ZBTB41: variants seen among roughly 807,000 people sequenced by gnomAD.
The protein encoded by ZBTB41 is zinc finger and BTB domain-containing protein 41.
In ZBTB41, 42 loss-of-function variants were observed where a neutral mutation model predicts 87.6. The observed-to-expected ratio is 0.48, with a 90% CI of 0.37 to 0.62. The LOEUF is 0.62. ZBTB41 is among the 20% of genes least tolerant of loss of function. ZBTB41 has a pLI of 0.00. For synonymous variants in ZBTB41, 364 were observed against 364.0 expected (o/e 1.00, Z 0.00); for missense variants, 799 against 1,078.9 (o/e 0.74, Z 3.63).
intron 6 of ZBTB41, among the ~76,000 whole-genome samples, chr1:197,178,963 G>A (rs1167657835): frequency 6.6e-6 from 1 of 152,000 alleles, no homozygotes; most frequent in Non-Finnish European, 1.5e-5. Context: ...TAACTTCCAG[G>A]TGCTGATGTG....
chr1:197,173,688 G>A (rs2125128569), intron 9 of ZBTB41, among the ~76,000 whole-genome samples: 1 of 152,204 alleles, frequency 6.6e-6, no homozygotes, highest in African/African-American at 2.4e-5. Context: ...TTGAGGTTGT[G>A]AATAATAACC....
At chr1:197,174,954 C>A in intron 9 of ZBTB41, 56 bp downstream of exon 9, 1 of 1,430,604 alleles carries the variant, frequency 7.0e-7, no homozygotes, top group Non-Finnish European at 9.6e-7. Context: ...AAAGTTACAA[C>A]TTTCCTCAGA....
Position 197,176,659 on chromosome 1 carries a change from C to A in ZBTB41, c.1784G>T (p.Arg595Leu). The A allele has an allele frequency of 6.2e-7, 1 of 1,609,218 alleles. No homozygotes were observed. Among genetic ancestry groups the A allele is most frequent in the Non-Finnish European group, 8.5e-7 (1 of 1,177,124 alleles). ...ATATCTTTTATCATCATGATGTACT[C>A]GTAAGTGAAGTCTATAAAGAAAAAA... is the stretch of plus-strand genomic sequence containing the variant. ...RHGSSYRLHL[R>L]VHHDDKRYEC... The change falls in exon 8 of 11, where the codon CGA becomes CTA. Residue 595 changes from arginine (R) to leucine (L), a missense_variant. Arg to Leu is a moderately radical substitution (Grantham distance 102). Coordinates refer to ENST00000367405, the MANE Select transcript of ZBTB41 (RefSeq NM_194314.3).
chr1:197,174,973 C>T, intron 9 of ZBTB41, 37 bp downstream of exon 9: 2 of 1,529,022 alleles, frequency 1.3e-6, no homozygotes, highest in Non-Finnish European at 1.8e-6. Flanking sequence ...GAGACTTAGC[C>T]AATGTAAACT....
In ZBTB41 at chr1:197,154,776, A is replaced by C. The variant is rs919398532; in HGVS notation, c.*4583T>G. 1 of 152,496 alleles carries C rather than the reference A, an allele frequency of 6.6e-6. No homozygotes were observed. Among genetic ancestry groups the C allele is most frequent in the Non-Finnish European group, 1.5e-5 (1 of 67,900 alleles). 9.4% of individuals were successfully genotyped at this position (152,496 alleles called of 1,614,324 possible). On this transcript the variant is annotated 3_prime_UTR_variant, in exon 11 of 11. Coordinates refer to ENST00000367405, the MANE Select transcript of ZBTB41 (RefSeq NM_194314.3). ...TGTCTAGTTTCTAGAAGTCGTTTAG[A>C]AAATTATTCTCACATTATCCATTAT...
In ZBTB41 at chr1:197,181,126, G is replaced by GA. The variant is rs747785997; in HGVS notation, c.1547-10dup. 24,616 of 1,106,816 alleles carry GA rather than the reference G, an allele frequency of 0.022. 14 individuals carry two copies. The highest frequency in any genetic ancestry group is 0.031 in the South Asian group (1,799 of 58,312). 68.6% of individuals were successfully genotyped at this position (1,106,816 alleles called of 1,614,324 possible). On this transcript the variant is annotated splice_polypyrimidine_tract_variant and intron_variant, in intron 5 of 10. Transcript: ENST00000367405. ...ATCACATGGAAAAGGACCTAAAAAG[G>GA]AAAAAAAAAAAGTGTGCATTTAAAG...
chr1:197,154,605 T>C lies in ZBTB41; in HGVS notation c.*4754A>G, dbSNP rs531465960. 4.6e-5 allele frequency: 7 copies of C among 152,126 alleles called. No individual in the cohort carries two copies. In the South Asian group the frequency reaches 1.2e-3, roughly 27 times the overall value. The allele number at this position is 152,126 out of a possible 1,614,324, so 9.4% of individuals were successfully genotyped here. On this transcript the variant is annotated 3_prime_UTR_variant, in exon 11 of 11. Coordinates refer to ENST00000367405, the MANE Select transcript of ZBTB41 (RefSeq NM_194314.3). ...TTCCAAAGAGAAAGAGCAGAAAGCA[T>C]GCTAAGATTATAGGGAAAAGGTATC...
chr1:197,188,033 T>C (rs1401789030), intron 5 of ZBTB41, among the ~76,000 whole-genome samples: 1 of 152,188 alleles, frequency 6.6e-6, no homozygotes, highest in African/African-American at 2.4e-5. Context: ...GATTATGATG[T>C]ACCAACGTAG....
intron 6 of ZBTB41, among the ~76,000 whole-genome samples, chr1:197,179,648 G>A (rs112837031): frequency 7.2e-5 from 11 of 152,164 alleles, no homozygotes; most frequent in African/African-American, 2.6e-4. Context: ...AGACCTTCCA[G>A]TGGGACAAGA....
intron 2 of ZBTB41, among the ~76,000 whole-genome samples, chr1:197,193,348 C>T (rs947604446): frequency 6.6e-6 from 1 of 151,348 alleles, no homozygotes; most frequent in Non-Finnish European, 1.5e-5. Context: ...ACCAGCCTGG[C>T]CAGCATGGCA....
At chr1:197,167,226 C>A (rs1224272832) in intron 10 of ZBTB41, among the ~76,000 whole-genome samples, 2 of 152,130 alleles carry the variant, frequency 1.3e-5, no homozygotes, top group Non-Finnish European at 2.9e-5. Context: ...GACAAGTTCT[C>A]ACTCCATCAC....
rs753899434 is a variant in ZBTB41 at position 197,159,540 on chromosome 1, C to T, written c.2549G>A (p.Arg850Gln). ...SPQPQSTDYPRAADLAFLEKY... is the reference protein window; with the variant it reads ...SPQPQSTDYPQAADLAFLEKY... ...TTCCAGAAAAGCTAAATCCGCTGCT[C>T]GTGGATAATCAGTTGACTGTGGCTG... The change falls in exon 11 of 11, where the codon CGA (arginine) becomes CAA (glutamine). Residue 850 changes from arginine to glutamine, a missense_variant. By Grantham distance (43) the Arg-to-Gln change is conservative. Coordinates refer to ENST00000367405, the MANE Select transcript of ZBTB41 (RefSeq NM_194314.3). The T allele has an allele frequency of 9.9e-6, 16 of 1,613,720 alleles. No homozygotes were observed. Among genetic ancestry groups the T allele is most frequent in the Non-Finnish European group, 1.4e-5 (16 of 1,179,862 alleles).
intron 5 of ZBTB41, among the ~76,000 whole-genome samples, chr1:197,185,950 T>A (rs1659871138): frequency 6.6e-6 from 1 of 152,118 alleles, no homozygotes; most frequent in South Asian, 2.1e-4. Flanking sequence ...GAAAGTCATT[T>A]TGTGGATATC....
intron 10 of ZBTB41, among the ~76,000 whole-genome samples, chr1:197,163,133 G>C (rs1372200319): frequency 9.2e-5 from 14 of 152,128 alleles, no homozygotes; most frequent in Admixed American, 9.2e-4. Flanking sequence ...CCAATGCAAT[G>C]ATGAACTAGG....
chr1:197,163,756 A>C lies in ZBTB41; in HGVS notation c.2075-3742T>G, dbSNP rs1659252703. On this transcript the variant is annotated intron_variant, in intron 10 of 10. Coordinates refer to ENST00000367405, the MANE Select transcript of ZBTB41 (RefSeq NM_194314.3). ...CCAATTAAAAAGAGACATTTCCTTC[A>C]AATGAGCAACAATAAGACTGATAGT... is the stretch of plus-strand genomic sequence containing the variant. 1.3e-5 allele frequency among the ~76,000 whole-genome samples: 2 copies of C among 152,014 alleles called. 1 individual carries two copies. The highest frequency in any genetic ancestry group is 4.1e-4 in the South Asian group (2 of 4,824).
Position 197,159,681 on chromosome 1 carries a change from G to C in ZBTB41, c.2408C>G (p.Ser803Cys), listed in dbSNP as rs1659153430. 3 of 1,613,974 alleles carry C rather than the reference G, an allele frequency of 1.9e-6. No homozygotes were observed. The highest frequency in any genetic ancestry group is 2.5e-6 in the Non-Finnish European group (3 of 1,179,900). Residue 803 changes from serine (S) to cysteine (C), a missense_variant, in exon 11 of 11, where the codon TCT (serine) becomes TGT (cysteine). Coordinates refer to ENST00000367405, the MANE Select transcript of ZBTB41 (RefSeq NM_194314.3). ...SEAKTMLQNV[S>C]AEVCVPVTLV... ...AGTTACTGGAACACATACTTCAGCA[G>C]ATACATTCTGTAACATCGTCTTGGC...
chr1:197,177,637 A>G lies in ZBTB41; in HGVS notation c.1772+780T>C, dbSNP rs1295599661. 2.6e-5 allele frequency among the ~76,000 whole-genome samples: 4 copies of G among 152,062 alleles called. 1 individual carries two copies. Among genetic ancestry groups the G allele is most frequent in the Admixed American group, 1.3e-4 (2 of 15,258 alleles). On this transcript the variant is annotated intron_variant, in intron 7 of 10. Coordinates refer to ENST00000367405, the MANE Select transcript of ZBTB41 (RefSeq NM_194314.3). ...ACAAAATGGGGCTCATTTTATAGTCACCCAAAGACAGTATAAAAGGCTCAG... is the reference window on the plus strand; with the variant it reads ...ACAAAATGGGGCTCATTTTATAGTCGCCCAAAGACAGTATAAAAGGCTCAG...
intron 6 of ZBTB41, 102 bp from the exon 7 acceptor site, chr1:197,178,614 T>C (rs983620047): frequency 7.4e-5 from 50 of 675,740 alleles, no homozygotes; most frequent in Non-Finnish European, 9.5e-5. Context: ...ACTGATATTA[T>C]GGCAATTCTC....
rs900343649 is a variant in ZBTB41, at chr1:197,157,896, T to C, written c.*1463A>G. The C allele has an allele frequency of 4.1e-5, 4 of 98,112 alleles. No homozygotes were observed. Among genetic ancestry groups the C allele is most frequent in the South Asian group, 8.7e-4 (2 of 2,290 alleles). 6.1% of individuals were successfully genotyped at this position (98,112 alleles called of 1,614,324 possible). A position where few individuals can be genotyped will look rare whatever the true frequency, so the allele number is the denominator to read the frequency against. On this transcript the variant is annotated 3_prime_UTR_variant, in exon 11 of 11. Coordinates refer to ENST00000367405, the MANE Select transcript of ZBTB41 (RefSeq NM_194314.3). ...TTTTCACAAGGGCTGGGCTAGACTT[T>C]ACAGTTTACACACACAAAAAAAGTG...
Sources: allele counts gnomAD v4.1 joint callset (sites outside exome capture counted in the v4.1 genomes callset), GRCh38; gene constraint gnomAD v4.1.1; transcripts MANE v1.5; gene names NCBI Gene and HGNC (gene_info 2026-07-23, HGNC 2026-07-21).